GRK5: variants seen among roughly 807,000 people sequenced by gnomAD.
GRK5 encodes the protein G protein-coupled receptor kinase 5, also known as g protein-coupled receptor kinase GRK5.
A neutral mutation model predicts 78.4 loss-of-function variants in GRK5; 40 were observed. That is an observed-to-expected ratio of 0.51 (90% CI 0.40 to 0.66). The LOEUF (loss-of-function observed/expected upper bound fraction) is 0.66. GRK5 is among the 30% of genes least tolerant of loss of function. The probability of loss-of-function intolerance (pLI) is 0.00; values close to 1 mark genes in which losing one functional copy is unlikely to be tolerated. For missense variants in GRK5, 598 were observed against 759.9 expected (o/e 0.79, Z 2.50); for synonymous variants, 289 against 296.8 (o/e 0.97, Z 0.27).
In GRK5 at chr10:119,430,040, G is replaced by A. The variant is rs575047692; in HGVS notation, c.534-335G>A. 9.5e-4 allele frequency among the ~76,000 whole-genome samples: 144 copies of A among 152,256 alleles called. No homozygotes were observed. The highest frequency in any genetic ancestry group is 3.0e-3 in the African/African-American group (126 of 41,544). ...GCACAGCTTCCTTCTGAGTTTCGCC[G>A]CATGATTTGCAGAGAGAGGAGAACC... On this transcript the variant is annotated intron_variant, in intron 6 of 15. Coordinates refer to ENST00000392870, the MANE Select transcript of GRK5 (RefSeq NM_005308.3). The surrounding 1 kb of genome is among the most constrained non-coding windows in gnomAD (Gnocchi z 4.5).
chr10:119,261,428 C>G (rs959557051), intron 1 of GRK5, among the ~76,000 whole-genome samples: 3 of 146,284 alleles, frequency 2.1e-5, no homozygotes, highest in Non-Finnish European at 3.0e-5. Context: ...GGCAGCCAGG[C>G]AGAGGGGCTC....
intron 1 of GRK5, among the ~76,000 whole-genome samples, chr10:119,289,191 T>C (rs2133700504): frequency 6.6e-6 from 1 of 152,324 alleles, no homozygotes; most frequent in African/African-American, 2.4e-5. Flanking sequence ...ATTTTTGTTT[T>C]GTTTTGTTTT....
chr10:119,402,288 G>A (rs1164241449), intron 4 of GRK5, among the ~76,000 whole-genome samples: 3 of 152,176 alleles, frequency 2.0e-5, no homozygotes, highest in African/African-American at 7.2e-5. Context: ...AGCGTGGCTT[G>A]TCTTAGGGAT....
At chr10:119,237,148 C>T (rs1848949031) in intron 1 of GRK5, among the ~76,000 whole-genome samples, 2 of 150,864 alleles carry the variant, frequency 1.3e-5, no homozygotes, top group South Asian at 2.1e-4. Context: ...CTGCAATCTC[C>T]GACTCCCAGG....
intron 4 of GRK5, among the ~76,000 whole-genome samples, chr10:119,406,210 C>T (rs973193989): frequency 3.3e-5 from 5 of 152,224 alleles, no homozygotes; most frequent in East Asian, 3.8e-4. Context: ...CCTAAGACCT[C>T]TCATCATCTT....
chr10:119,336,597 G>C lies in GRK5; in HGVS notation c.148+9986G>C, dbSNP rs1850891289. Among the ~76,000 whole-genome samples, 1 of 152,218 alleles carries C rather than the reference G, an allele frequency of 6.6e-6. No individual in the cohort carries two copies. Among genetic ancestry groups the C allele is most frequent in the African/African-American group, 2.4e-5 (1 of 41,450 alleles). On this transcript the variant is annotated intron_variant, in intron 2 of 15. Coordinates refer to ENST00000392870, the MANE Select transcript of GRK5 (RefSeq NM_005308.3). This position sits in a 1 kb window ranked among gnomAD's most constrained non-coding sequence, Gnocchi z 4.5. ...TTGTTAGCTTTGTGCCCCCTGATGA[G>C]TCTGGGGCCCCTGAGAGGATGATCA...
intron 1 of GRK5, among the ~76,000 whole-genome samples, chr10:119,309,840 T>G (rs568550758): frequency 6.6e-6 from 1 of 152,266 alleles, no homozygotes; most frequent in African/African-American, 2.4e-5. Flanking sequence ...GGACTGGGAG[T>G]TAAGAACTAG....
chr10:119,427,193 G>A (rs985517476), intron 6 of GRK5, among the ~76,000 whole-genome samples: 1 of 147,946 alleles, frequency 6.8e-6, no homozygotes, highest in Admixed American at 6.7e-5. Context: ...GCCATCATCA[G>A]TATCACCGCC....
At chr10:119,417,351 C>G (rs1383679397) in intron 4 of GRK5, among the ~76,000 whole-genome samples, 2 of 152,336 alleles carry the variant, frequency 1.3e-5, no homozygotes, top group Middle Eastern at 6.8e-3. Flanking sequence ...TACTCCAGAT[C>G]ATTCCTGCTT....
intron 1 of GRK5, among the ~76,000 whole-genome samples, chr10:119,247,556 A>G (rs1849132916): frequency 6.6e-6 from 1 of 152,240 alleles, no homozygotes; most frequent in Non-Finnish European, 1.5e-5. Flanking sequence ...AGGTTAGGTC[A>G]TGCACATGTT....
chr10:119,229,650 G>C (rs1848794908), intron 1 of GRK5, among the ~76,000 whole-genome samples: 1 of 152,158 alleles, frequency 6.6e-6, no homozygotes, highest in Non-Finnish European at 1.5e-5. Flanking sequence ...GGGAAAGGCA[G>C]GTACATGATC....
chr10:119,300,859 G>A (rs923439205), intron 1 of GRK5, among the ~76,000 whole-genome samples: 2 of 152,118 alleles, frequency 1.3e-5, no homozygotes, highest in African/African-American at 2.4e-5. Context: ...TTGGGAGGCC[G>A]AAGGTGGATC....
chr10:119,386,685 A>G (rs1271077726), intron 3 of GRK5, among the ~76,000 whole-genome samples: 5 of 152,158 alleles, frequency 3.3e-5, no homozygotes, highest in African/African-American at 4.8e-5. Context: ...AGACTTTTTC[A>G]TCGCCCATCT....
chr10:119,244,602 C>T (rs1293271644), intron 1 of GRK5, among the ~76,000 whole-genome samples: 2 of 152,204 alleles, frequency 1.3e-5, no homozygotes, highest in Non-Finnish European at 2.9e-5. Context: ...GGCATGGTGG[C>T]TTGGGCCTAT....
intron 2 of GRK5, among the ~76,000 whole-genome samples, chr10:119,357,780 C>T (rs1401207548): frequency 6.6e-6 from 1 of 152,190 alleles, no homozygotes; most frequent in African/African-American, 2.4e-5. Context: ...AGTTAAGTCT[C>T]CCTCCCTTTG....
At chr10:119,265,664 A>G (rs80204191) in intron 1 of GRK5, among the ~76,000 whole-genome samples, 3,059 of 152,340 alleles carry the variant, frequency 0.02, 58 homozygotes, top group Admixed American at 0.053. Flanking sequence ...GCCTGAGCTG[A>G]TCAGTACAGT....
chr10:119,303,696 A>T (rs1365737570), intron 1 of GRK5, among the ~76,000 whole-genome samples: 1 of 150,260 alleles, frequency 6.7e-6, no homozygotes, highest in Admixed American at 6.7e-5. Context: ...AAGGGGCAAG[A>T]ACGGAGGTGG....
intron 1 of GRK5, among the ~76,000 whole-genome samples, chr10:119,261,703 C>G (rs917865873): frequency 6.6e-6 from 1 of 152,252 alleles, no homozygotes; most frequent in African/African-American, 2.4e-5. Context: ...TGGAGACCAG[C>G]CCGGCCAACA....
chr10:119,262,173 C>T (rs1247781539), intron 1 of GRK5, among the ~76,000 whole-genome samples: 2 of 152,032 alleles, frequency 1.3e-5, no homozygotes, highest in East Asian at 3.9e-4. Flanking sequence ...ACTTGGCAGC[C>T]AATCAGCCCA....
Sources: gnomAD v4.1 joint callset for allele counts (sites outside exome capture counted in the v4.1 genomes callset) on GRCh38, gnomAD v4.1.1 for gene constraint, Gnocchi (gnomAD v3.1) non-coding constraint, MANE v1.5 for transcripts, NCBI Gene and HGNC (gene_info 2026-07-23, HGNC 2026-07-21) for gene names.